Variants in POLR3B observed in about 807,000 individuals in gnomAD.
POLR3B encodes the protein DNA-directed RNA polymerase III subunit RPC2.
Under a neutral mutation model 147.4 loss-of-function variants are expected in POLR3B, and 96 were observed. The observed-to-expected ratio is 0.65, with a 90% CI of 0.55 to 0.77. The LOEUF (loss-of-function observed/expected upper bound fraction) is 0.77, where lower values mean the gene tolerates loss of function less well. POLR3B is among the 30% of genes least tolerant of loss of function. The probability of loss-of-function intolerance (pLI) is 0.00; values close to 1 mark genes in which losing one functional copy is unlikely to be tolerated. For missense variants in POLR3B, 1,036 were observed against 1,413.5 expected (o/e 0.73, Z 4.28); for synonymous variants, 461 against 485.9 (o/e 0.95, Z 0.67).
At chr12:106,367,829 G>A (rs760158706) in intron 4 of POLR3B, among the ~76,000 whole-genome samples, 9 of 152,122 alleles carry the variant, frequency 5.9e-5, no homozygotes, top group East Asian at 1.9e-4. Context: ...TGCAAATACC[G>A]TTTCTCATCA....
At chr12:106,372,556 G>C (rs2036622731) in intron 6 of POLR3B, among the ~76,000 whole-genome samples, 1 of 151,888 alleles carries the variant, frequency 6.6e-6, no homozygotes, top group East Asian at 1.9e-4. Context: ...GGCCAGGCTG[G>C]TCATGAACTC....
Position 106,454,601 on chromosome 12 carries a change from T to C in POLR3B, c.2183T>C (p.Ile728Thr), listed in dbSNP as rs748464579. 9.3e-6 allele frequency: 15 copies of C among 1,609,268 alleles called. No individual in the cohort carries two copies. In the East Asian group the frequency reaches 2.9e-4, roughly 31 times the overall value. The change falls in exon 20 of 28, where the codon ATA becomes ACA. Residue 728 changes from isoleucine to threonine, a missense_variant. By Grantham distance (89) the Ile-to-Thr change is moderately conservative (BLOSUM62 -1). Around this residue, in one of 12 missense-constraint regions of POLR3B, gnomAD observed 202 missense variants for 272.8 expected, o/e 0.74. Coordinates refer to ENST00000228347, the MANE Select transcript of POLR3B (RefSeq NM_018082.6). ...PMVKTKTIEL[I>T]EFEKLPAGQN... is the part of the protein sequence containing the mutation. ...GTTAAGACAAAAACCATTGAATTGA[T>C]AGAATTTGAGAAACTGCCAGCTGGA...
intron 23 of POLR3B, among the ~76,000 whole-genome samples, chr12:106,477,631 G>A (rs1236134487): frequency 2.6e-5 from 4 of 152,122 alleles, no homozygotes; most frequent in Non-Finnish European, 5.9e-5. Flanking sequence ...GATTGTCCAG[G>A]TGCGTCCGTC....
chr12:106,509,298 G>C, intron 27 of POLR3B, 122 bp from the exon 28 acceptor site: 1 of 1,032,328 alleles, frequency 9.7e-7, no homozygotes, highest in Non-Finnish European at 1.5e-6. Context: ...TGAACACTTA[G>C]GAATAGAAAG....
chr12:106,451,214 G>A (rs1195157054), intron 19 of POLR3B, among the ~76,000 whole-genome samples: 2 of 151,950 alleles, frequency 1.3e-5, no homozygotes, highest in African/African-American at 4.8e-5. Flanking sequence ...CTATAGTGGT[G>A]GTTTCACAGG....
At chr12:106,413,158 T>C (rs1406050058) in intron 12 of POLR3B, among the ~76,000 whole-genome samples, 1 of 152,150 alleles carries the variant, frequency 6.6e-6, no homozygotes, top group Non-Finnish European at 1.5e-5. Flanking sequence ...TTGTCTATTA[T>C]TTTCTCCTGT....
chr12:106,363,754 AATT>A (rs2036497189), intron 1 of POLR3B, 113 bp from the exon 2 acceptor site: 3 of 886,352 alleles, frequency 3.4e-6, no homozygotes, highest in South Asian at 2.9e-5. Flanking sequence ...AATGTTTAAA[AATT>A]ATTCTTTTTG....
intron 23 of POLR3B, among the ~76,000 whole-genome samples, chr12:106,479,999 G>GGT (rs1463341701): frequency 2.5e-5 from 3 of 117,866 alleles, no homozygotes; most frequent in Non-Finnish European, 5.1e-5. Flanking sequence ...TTTGTTTTTG[G>GGT]GTTTTTTTTT....
intron 10 of POLR3B, among the ~76,000 whole-genome samples, chr12:106,396,066 G>T (rs1593016714): frequency 6.6e-6 from 1 of 152,106 alleles, no homozygotes; most frequent in Non-Finnish European, 1.5e-5. Context: ...ATTGTCTTGG[G>T]CTCTAGTATA....
intron 23 of POLR3B, among the ~76,000 whole-genome samples, chr12:106,468,706 T>C (rs551301391): frequency 1.3e-5 from 2 of 152,308 alleles, no homozygotes; most frequent in East Asian, 3.9e-4. Context: ...ATTTACCCCA[T>C]AGTCATTCAG....
At chr12:106,486,846 A>G (rs2038348325) in intron 23 of POLR3B, among the ~76,000 whole-genome samples, 6 of 152,210 alleles carry the variant, frequency 3.9e-5, no homozygotes, top group Admixed American at 3.9e-4. Flanking sequence ...TTCAGAATCT[A>G]TCAGGATTTC....
intron 4 of POLR3B, 119 bp downstream of exon 4, chr12:106,366,841 G>A (rs932139836): frequency 3.6e-6 from 3 of 840,124 alleles, no homozygotes; most frequent in Non-Finnish European, 5.9e-6. Context: ...GGTGGCTTAT[G>A]CCTGTAATAC....
intron 27 of POLR3B, among the ~76,000 whole-genome samples, chr12:106,508,012 T>G (rs12296124): frequency 4.3e-4 from 65 of 152,114 alleles, no homozygotes; most frequent in African/African-American, 1.6e-3. Flanking sequence ...ACTTAAAATT[T>G]TACGTATGAT....
chr12:106,425,886 A>G (rs2037427702), intron 12 of POLR3B, among the ~76,000 whole-genome samples: 1 of 152,162 alleles, frequency 6.6e-6, no homozygotes, highest in African/African-American at 2.4e-5. Context: ...TTTGAACCTT[A>G]TATAAATGGA....
chr12:106,472,634 T>C (rs990966030), intron 23 of POLR3B, among the ~76,000 whole-genome samples: 11 of 149,098 alleles, frequency 7.4e-5, no homozygotes, highest in Non-Finnish European at 1.5e-4. Flanking sequence ...CATTTTTTCA[T>C]GTGTTTTTTG....
chr12:106,453,952 G>A (rs1214411140), intron 19 of POLR3B, among the ~76,000 whole-genome samples: 1 of 152,146 alleles, frequency 6.6e-6, no homozygotes, highest in Non-Finnish European at 1.5e-5. Flanking sequence ...CTTAATACAT[G>A]AATCATCAAA....
chr12:106,458,224 T>C (rs6539270), intron 21 of POLR3B, among the ~76,000 whole-genome samples: 59,418 of 151,632 alleles, frequency 0.39, 13,758 homozygotes, highest in African/African-American at 0.65. Flanking sequence ...CAGACTCAAG[T>C]GATTCTCCCA....
chr12:106,393,005 C>T (rs1414301140), intron 9 of POLR3B, 26 bp from the exon 10 acceptor site: 1 of 1,613,916 alleles, frequency 6.2e-7, no homozygotes. Flanking sequence ...AGCCAACACT[C>T]TTTCTATCTT....
At chr12:106,411,325 A>G (rs2037224014) in intron 12 of POLR3B, among the ~76,000 whole-genome samples, 1 of 151,922 alleles carries the variant, frequency 6.6e-6, no homozygotes, top group Admixed American at 6.6e-5. Context: ...TTTGGTAGAG[A>G]TGGGGTTTCT....
Sources: gnomAD v4.1 joint callset for allele counts (sites outside exome capture counted in the v4.1 genomes callset) on GRCh38, gnomAD v4.1.1 for gene constraint, gnomAD v4.1.1 regional missense constraint, MANE v1.5 for transcripts, NCBI Gene and HGNC (gene_info 2026-07-23, HGNC 2026-07-21) for gene names.